MINDY2: variants seen among roughly 807,000 people sequenced by gnomAD.
The protein encoded by MINDY2 is MINDY lysine 48 deubiquitinase 2.
A neutral mutation model predicts 68.2 loss-of-function variants in MINDY2; 52 were observed. The observed-to-expected ratio is 0.76, with a 90% CI of 0.61 to 0.96. The LOEUF (loss-of-function observed/expected upper bound fraction) is 0.96, where lower values mean the gene tolerates loss of function less well. Among genes scored for constraint, MINDY2 ranks in the 40% least tolerant of loss-of-function variants. MINDY2 has a pLI of 0.00. For missense variants in MINDY2, 881 were observed against 773.4 expected (o/e 1.14, Z -1.65); for synonymous variants, 372 against 303.0 (o/e 1.23, Z -2.36).
chr15:58,844,330 A>G (rs1307020279), intron 6 of MINDY2, among the ~76,000 whole-genome samples: 1 of 149,764 alleles, frequency 6.7e-6, no homozygotes, highest in Non-Finnish European at 1.5e-5. Flanking sequence ...GGTGGATCAC[A>G]AGGTCAGGAG....
intron 7 of MINDY2, among the ~76,000 whole-genome samples, chr15:58,850,974 A>G (rs1224919443): frequency 2.0e-5 from 3 of 150,808 alleles, no homozygotes; most frequent in Admixed American, 6.6e-5. Flanking sequence ...CATTCCCCCA[A>G]TTTTTTGTTT....
At chr15:58,787,579 A>G (rs1025786224) in intron 1 of MINDY2, among the ~76,000 whole-genome samples, 2 of 151,984 alleles carry the variant, frequency 1.3e-5, no homozygotes, top group East Asian at 3.9e-4. Flanking sequence ...TACTAAAAAT[A>G]CAAAACAATT....
intron 6 of MINDY2, among the ~76,000 whole-genome samples, chr15:58,843,073 A>G (rs2032357717): frequency 6.6e-6 from 1 of 152,228 alleles, no homozygotes; most frequent in Non-Finnish European, 1.5e-5. Flanking sequence ...TTCAAATTAT[A>G]AAGTACCTTA....
chr15:58,807,717 T>C (rs1205302824), intron 3 of MINDY2, among the ~76,000 whole-genome samples: 1 of 152,176 alleles, frequency 6.6e-6, no homozygotes, highest in South Asian at 2.1e-4. Flanking sequence ...AAAACTGATG[T>C]GGACAAAATG....
At chr15:58,825,817 G>A (rs1190348712) in intron 5 of MINDY2, among the ~76,000 whole-genome samples, 1 of 152,130 alleles carries the variant, frequency 6.6e-6, no homozygotes, top group South Asian at 2.1e-4. Context: ...TGTTGCCCAG[G>A]CTGGTCTCAA....
At chr15:58,784,583 A>G (rs1331356255) in intron 1 of MINDY2, among the ~76,000 whole-genome samples, 1 of 142,684 alleles carries the variant, frequency 7.0e-6, no homozygotes, top group Non-Finnish European at 1.5e-5. Context: ...GTCATAGTTG[A>G]TTTGTCATTT....
intron 3 of MINDY2, 99 bp downstream of exon 3, chr15:58,802,476 T>C (rs1293689805): frequency 2.8e-6 from 2 of 714,532 alleles, no homozygotes; most frequent in African/African-American, 1.8e-5. Context: ...AAGGATTAGA[T>C]AGTAAACACT....
At chr15:58,781,786 C>T (rs1901163673) in intron 1 of MINDY2, among the ~76,000 whole-genome samples, 1 of 151,962 alleles carries the variant, frequency 6.6e-6, no homozygotes. Flanking sequence ...GCCTGTAATC[C>T]CAGCTACTCG....
chr15:58,808,587 AAT>A (rs1448468247), intron 3 of MINDY2, among the ~76,000 whole-genome samples: 2 of 152,080 alleles, frequency 1.3e-5, no homozygotes, highest in Non-Finnish European at 2.9e-5. Flanking sequence ...CATATTATAA[AAT>A]ATATGGTTTT....
rs759541005 is a variant in MINDY2 at position 58,771,339 on chromosome 15, C to A, written c.-57C>A. 6.4e-7 allele frequency: 1 copy of A among 1,552,590 alleles called. No individual in the cohort carries two copies. Among genetic ancestry groups the A allele is most frequent in the African/African-American group, 1.4e-5 (1 of 73,396 alleles). ...AATACAGCTGTCATGGCGTCCAAGG[C>A]GCTGGCTGCGGAGAAGTGGCCGCGG... On this transcript the variant is annotated 5_prime_UTR_variant, in exon 1 of 9. Transcript: ENST00000559228.
chr15:58,801,125 C>T (rs2140951714), intron 2 of MINDY2, among the ~76,000 whole-genome samples: 1 of 151,956 alleles, frequency 6.6e-6, no homozygotes, highest in Non-Finnish European at 1.5e-5. Flanking sequence ...AGGTGCATGC[C>T]ACTACGCCTG....
intron 7 of MINDY2, 67 bp from the exon 8 acceptor site, chr15:58,851,704 G>A (rs1477553856): frequency 8.3e-7 from 1 of 1,199,464 alleles, no homozygotes; most frequent in East Asian, 2.6e-5. Context: ...TATAACGTTT[G>A]TATTTGCAGT....
chr15:58,827,992 G>A (rs2031504539), intron 5 of MINDY2, among the ~76,000 whole-genome samples: 1 of 151,828 alleles, frequency 6.6e-6, no homozygotes, highest in South Asian at 2.1e-4. Context: ...CAGCACTTTG[G>A]GAGGCCGAGG....
At chr15:58,794,355 TGGGGTG>T (rs1485161766) in intron 2 of MINDY2, among the ~76,000 whole-genome samples, 101 of 100,692 alleles carry the variant, frequency 1.0e-3, no homozygotes, top group African/African-American at 4.3e-3. Flanking sequence ...AAGTTTTTTT[TGGGGTG>T]TGTGTGTGTG....
At chr15:58,824,941 A>G (rs1411527836) in intron 5 of MINDY2, among the ~76,000 whole-genome samples, 19 of 152,128 alleles carry the variant, frequency 1.2e-4, no homozygotes, top group Admixed American at 1.2e-3. Context: ...AAGTGCTGCA[A>G]CTACAGGCAT....
Position 58,815,958 on chromosome 15 carries a change from G to A in MINDY2, c.1122+5570G>A, listed in dbSNP as rs562282978. On this transcript the variant is annotated intron_variant, in intron 4 of 8. Coordinates refer to ENST00000559228, the MANE Select transcript of MINDY2 (RefSeq NM_001040450.3). ...CTCCCAAAGTGCTGGGATTACAGGCGTGAGCCACCACGCCCAGCCAAAAGG... is the reference window on the plus strand; with the variant it reads ...CTCCCAAAGTGCTGGGATTACAGGCATGAGCCACCACGCCCAGCCAAAAGG... Among the ~76,000 whole-genome samples, 7 of 152,256 alleles carry A rather than the reference G, an allele frequency of 4.6e-5. No individual in the cohort carries two copies. In the South Asian group the frequency reaches 6.2e-4, roughly 14 times the overall value.
At chr15:58,795,048 C>T (rs1157542369) in intron 2 of MINDY2, among the ~76,000 whole-genome samples, 1 of 151,868 alleles carries the variant, frequency 6.6e-6, no homozygotes, top group African/African-American at 2.4e-5. Flanking sequence ...TGGTGGCGGG[C>T]GCCTGTAGTC....
intron 1 of MINDY2, among the ~76,000 whole-genome samples, chr15:58,779,726 A>G (rs567202612): frequency 7.9e-5 from 12 of 152,218 alleles, no homozygotes; most frequent in Non-Finnish European, 1.8e-4. Flanking sequence ...AGTCTCCTCC[A>G]AGAATTAGAA....
chr15:58,851,224 T>C (rs1028554238), intron 7 of MINDY2, among the ~76,000 whole-genome samples: 2 of 152,162 alleles, frequency 1.3e-5, no homozygotes, highest in African/African-American at 4.8e-5. Flanking sequence ...TCCACCTGCC[T>C]TGGCCTCCCA....
Sources: allele counts gnomAD v4.1 joint callset (sites outside exome capture counted in the v4.1 genomes callset), GRCh38; gene constraint gnomAD v4.1.1; transcripts MANE v1.5; gene names NCBI Gene and HGNC (gene_info 2026-07-23, HGNC 2026-07-21).